The following CASQ2 variants were observed in gnomAD, a reference collection of about 807,000 sequenced individuals.
CASQ2 encodes the protein calsequestrin 2.
CASQ2 carries 49 observed loss-of-function variants against 46.5 expected under a neutral mutation model. That is an observed-to-expected ratio of 1.05 (90% CI 0.84 to 1.34). The LOEUF (loss-of-function observed/expected upper bound fraction) is 1.34. CASQ2 is among the 40% of genes most tolerant of loss of function. The pLI, the probability that CASQ2 is intolerant of heterozygous loss-of-function variation, is 0.00. For synonymous variants in CASQ2, 174 were observed against 168.5 expected, an observed-to-expected ratio of 1.03 and a Z score of -0.25; for missense variants, 486 against 481.3, an observed-to-expected ratio of 1.01 and a Z score of -0.09.
At chr1:115,709,192 AT>A (rs11349982) in intron 8 of CASQ2, among the ~76,000 whole-genome samples, 90,269 of 151,972 alleles carry the variant, frequency 0.59, 27,487 homozygotes, top group African/African-American at 0.72. Flanking sequence ...TACAAGTTCA[AT>A]TTTTTTCCAA....
rs571359887 is a variant in CASQ2, at chr1:115,704,542, C to T, written c.939+650G>A. On this transcript the variant is annotated intron_variant, in intron 9 of 10. Transcript: ENST00000261448. ...TATCAGCTATGCTTATTATCAGTAC[C>T]AGTACTTATTATCAGCACCAGAACC... 4.5e-4 allele frequency among the ~76,000 whole-genome samples: 68 copies of T among 152,262 alleles called. No homozygotes were observed. The Middle Eastern group carries it at 0.01, about 23-fold the overall frequency.
chr1:115,736,248 C>A (rs1215946545), intron 4 of CASQ2, among the ~76,000 whole-genome samples: 1 of 151,660 alleles, frequency 6.6e-6, no homozygotes, highest in Non-Finnish European at 1.5e-5. Context: ...AGTCTCTTGT[C>A]CAAGGTGACC....
chr1:115,726,959 A>G (rs778470776), intron 6 of CASQ2, 33 bp downstream of exon 6: 9 of 674,384 alleles, frequency 1.3e-5, no homozygotes, highest in South Asian at 2.8e-5. Context: ...CCCAGACCCC[A>G]GGCCCCCAGC....
chr1:115,768,078 T>C (rs1392763627), intron 1 of CASQ2, among the ~76,000 whole-genome samples: 1 of 152,158 alleles, frequency 6.6e-6, no homozygotes, highest in Non-Finnish European at 1.5e-5. Flanking sequence ...ATCAGACCCA[T>C]CGTAGTGTAG....
chr1:115,749,108 C>T (rs12144451), intron 1 of CASQ2, among the ~76,000 whole-genome samples: 66,427 of 152,126 alleles, frequency 0.44, 16,861 homozygotes, highest in Non-Finnish European at 0.58. Flanking sequence ...ACACAGTGCT[C>T]TTCTAACTGC....
At chr1:115,766,865 T>TGATAGATAGATAGATA (rs58728885) in intron 1 of CASQ2, among the ~76,000 whole-genome samples, 4 of 144,990 alleles carry the variant, frequency 2.8e-5, no homozygotes, top group East Asian at 2.0e-4. Context: ...GAGCTAGAGA[T>TGATAGATAGATAGATA]GATAGATAGA....
intron 1 of CASQ2, among the ~76,000 whole-genome samples, chr1:115,757,205 C>T (rs774645923): frequency 1.8e-4 from 28 of 152,140 alleles, no homozygotes; most frequent in Non-Finnish European, 3.8e-4. Context: ...CATGCTTTTA[C>T]AACTAGCATT....
Position 115,768,592 on chromosome 1 carries a change from G to T in CASQ2, c.-51C>A. On this transcript the variant is annotated 5_prime_UTR_variant, in exon 1 of 11. Transcript: ENST00000261448. ...CCAAATATGCTGTGTGCAGAATAGA[G>T]GACAGAAGACTGTTAGAGGCCTTGT... The T allele has an allele frequency of 8.4e-7, 1 of 1,188,478 alleles. No individual in the cohort carries two copies. Among genetic ancestry groups the T allele is most frequent in the Non-Finnish European group, 1.2e-6 (1 of 806,922 alleles). The allele number at this position is 1,188,478 out of a possible 1,614,324, so 73.6% of individuals were successfully genotyped here. A position where few individuals can be genotyped will look rare whatever the true frequency, so the allele number is the denominator to read the frequency against.
In CASQ2 at chr1:115,704,739, C is replaced by G. The variant is rs76607011; in HGVS notation, c.939+453G>C. 5.9e-5 allele frequency among the ~76,000 whole-genome samples: 9 copies of G among 152,300 alleles called. No homozygotes were observed. The East Asian group carries it at 1.7e-3, about 29-fold the overall frequency. Reference sequence around the variant, plus strand: ...ACTATGCTAGGTCCTGGGGAGAACACGATGAACATGACAGGCACGCTCGCT... The same window carrying G: ...ACTATGCTAGGTCCTGGGGAGAACAGGATGAACATGACAGGCACGCTCGCT... On this transcript the variant is annotated intron_variant, in intron 9 of 10. Transcript: ENST00000261448.
At position 115,723,055 on chromosome 1, in the gene CASQ2, A is replaced by T. The variant is rs77913539; in HGVS notation, c.783+2453T>A. On this transcript the variant is annotated intron_variant, in intron 7 of 10. Coordinates refer to ENST00000261448, the MANE Select transcript of CASQ2 (RefSeq NM_001232.4). The stretch of plus-strand genomic sequence containing the variant: ...AGAGGGAGAATCCGTCTCAAAAAAA[A>T]TAATAATAATAAAAGAAAAAGAAAG... 5.3e-4 allele frequency among the ~76,000 whole-genome samples: 80 copies of T among 152,288 alleles called. 2 individuals are homozygous for T. The highest frequency in any genetic ancestry group is 1.9e-3 in the African/African-American group (77 of 41,554).
chr1:115,708,879 G>T (rs1654445507), intron 8 of CASQ2, among the ~76,000 whole-genome samples: 1 of 152,208 alleles, frequency 6.6e-6, no homozygotes. Flanking sequence ...ACAGCGTGGG[G>T]CAGCTCCTTC....
At chr1:115,706,665 C>G (rs569363616) in intron 8 of CASQ2, among the ~76,000 whole-genome samples, 2 of 152,184 alleles carry the variant, frequency 1.3e-5, no homozygotes, top group Admixed American at 1.3e-4. Flanking sequence ...GAAATTTATA[C>G]GTTGAATACA....
At chr1:115,702,465 C>T (rs1654235125) in intron 10 of CASQ2, among the ~76,000 whole-genome samples, 1 of 152,222 alleles carries the variant, frequency 6.6e-6, no homozygotes, top group Non-Finnish European at 1.5e-5. Flanking sequence ...GCCCCTTACT[C>T]GCATATGATT....
At chr1:115,740,890 G>T in intron 2 of CASQ2, 62 bp from the exon 3 acceptor site, 2 of 1,185,644 alleles carry the variant, frequency 1.7e-6, no homozygotes, top group Non-Finnish European at 1.3e-6. Context: ...TGATTGTATT[G>T]GCTGAGGTCT....
intron 5 of CASQ2, among the ~76,000 whole-genome samples, chr1:115,728,114 C>G (rs893472059): frequency 1.3e-5 from 2 of 152,154 alleles, no homozygotes; most frequent in African/African-American, 4.8e-5. Context: ...TGCCTAAGAG[C>G]TGATGCACTG....
chr1:115,712,328 C>T (rs1464041454), intron 8 of CASQ2, among the ~76,000 whole-genome samples: 1 of 152,164 alleles, frequency 6.6e-6, no homozygotes, highest in East Asian at 1.9e-4. Context: ...CTTTCTCTGC[C>T]TGTCTTCTCC....
chr1:115,725,449 A>C lies in CASQ2; in HGVS notation c.783+59T>G, dbSNP rs114869970. ...AGTTTGGGGACTTAATCTAAGAAGC[A>C]CTCCTCTTTGGGACTATACTCATCT... On this transcript the variant is annotated intron_variant, in intron 7 of 10. Coordinates refer to ENST00000261448, the MANE Select transcript of CASQ2 (RefSeq NM_001232.4). 1.0e-3 allele frequency: 1,602 copies of C among 1,585,566 alleles called. 16 individuals carry two copies. The African/African-American group carries it at 0.02, about 20-fold the overall frequency.
At chr1:115,738,746 T>C (rs550300188) in intron 3 of CASQ2, among the ~76,000 whole-genome samples, 1 of 152,298 alleles carries the variant, frequency 6.6e-6, no homozygotes, top group South Asian at 2.1e-4. Context: ...ATTTACTCTT[T>C]TAGTGATTTT....
chr1:115,741,072 C>T (rs1648159173), intron 2 of CASQ2, among the ~76,000 whole-genome samples: 1 of 152,196 alleles, frequency 6.6e-6, no homozygotes, highest in African/African-American at 2.4e-5. Context: ...GTCTATTCTC[C>T]ACTCCACCAC....
Sources: gnomAD v4.1 joint callset for allele counts (sites outside exome capture counted in the v4.1 genomes callset) on GRCh38, gnomAD v4.1.1 for gene constraint, MANE v1.5 for transcripts, NCBI Gene and HGNC (gene_info 2026-07-23, HGNC 2026-07-21) for gene names.